Variants in IFNAR1 observed in about 807,000 individuals in gnomAD.
IFNAR1 encodes interferon alpha/beta receptor 1.
In IFNAR1, 47 loss-of-function variants were observed where a neutral mutation model predicts 62.1. The ratio of observed to expected loss-of-function variants is 0.76; its 90% CI spans 0.60 to 0.97. The LOEUF is 0.97. IFNAR1 is among the 50% of genes least tolerant of loss of function. The pLI is 0.00. For synonymous variants in IFNAR1, 219 were observed against 226.9 expected (o/e 0.97, Z 0.31); for missense variants, 638 against 654.5 (o/e 0.97, Z 0.27).
Position 33,325,126 on chromosome 21 carries a change from C to T in IFNAR1, c.71C>T (p.Ala24Val), listed in dbSNP as rs779701967. The change falls in exon 1 of 11, where the codon GCC (alanine) becomes GTC (valine). Residue 24 changes from alanine (A) to valine (V), a missense_variant. Transcript: ENST00000270139. ...GTGGCGCCATGGGTGTTGTCCGCAG[C>T]CGCAGGTGAGAGGCGGGGAGGAGAG... ...VAVAPWVLSA[A>V]AGGKNLKSPQ... 8 of 1,611,026 alleles carry T rather than the reference C, an allele frequency of 5.0e-6. No individual in the cohort carries two copies. The highest frequency in any genetic ancestry group is 1.9e-4 in the Middle Eastern group (1 of 5,262).
intron 1 of IFNAR1, among the ~76,000 whole-genome samples, chr21:33,330,474 T>A (rs2083166056): frequency 6.6e-6 from 1 of 152,076 alleles, no homozygotes; most frequent in Non-Finnish European, 1.5e-5. Context: ...GGAGAGACCT[T>A]AAGTTTATAG....
Position 33,355,590 on chromosome 21 carries a change from A to C in IFNAR1, c.*41A>C. The C allele has an allele frequency of 8.9e-7, 1 of 1,123,332 alleles. No individual in the cohort carries two copies. The highest frequency in any genetic ancestry group is 2.5e-5 in the East Asian group (1 of 40,692). 69.6% of individuals were successfully genotyped at this position (1,123,332 alleles called of 1,614,324 possible). ...GTCAAGTATAAGGTTTTTCAGCAGG[A>C]GTTACACTGGGAGCCTGAGGTCCTC... On this transcript the variant is annotated 3_prime_UTR_variant, in exon 11 of 11. Transcript: ENST00000270139.
At chr21:33,355,219 A>G (rs777550683) in intron 10 of IFNAR1, 97 bp from the exon 11 acceptor site, 17 of 639,208 alleles carry the variant, frequency 2.7e-5, no homozygotes, top group Non-Finnish European at 4.5e-5. Flanking sequence ...AGGTTTTCTC[A>G]GTAATGGATG....
In IFNAR1 at chr21:33,349,682, C is replaced by G. The variant is rs1408329031; in HGVS notation, c.1143+139C>G. On this transcript the variant is annotated intron_variant, in intron 8 of 10. Coordinates refer to ENST00000270139, the MANE Select transcript of IFNAR1 (RefSeq NM_000629.3). The stretch of plus-strand genomic sequence containing the variant: ...GCAGTGGCCTGTAATCCCAGCACTT[C>G]AGGAGGCCAAGGCGAGAGGATCACT... 3 of 631,226 alleles carry G rather than the reference C, an allele frequency of 4.8e-6. No individual in the cohort carries two copies. In the Admixed American group the frequency reaches 9.6e-5, roughly 20 times the overall value. 39.1% of individuals were successfully genotyped at this position (631,226 alleles called of 1,614,324 possible). A position where few individuals can be genotyped will look rare whatever the true frequency, so the allele number is the denominator to read the frequency against.
chr21:33,339,028 C>T (rs2083270658), intron 2 of IFNAR1, among the ~76,000 whole-genome samples: 1 of 152,032 alleles, frequency 6.6e-6, no homozygotes, highest in Non-Finnish European at 1.5e-5. Flanking sequence ...AGGTGTGAGC[C>T]ACCGAGCCCG....
At chr21:33,326,289 C>T (rs1279924669) in intron 1 of IFNAR1, among the ~76,000 whole-genome samples, 3 of 151,080 alleles carry the variant, frequency 2.0e-5, no homozygotes, top group African/African-American at 7.3e-5. Context: ...ACTGCAACCT[C>T]TGCCTCCCAG....
upstream of IFNAR1, chr21:33,324,932 GGTGAGAGCTAA>G: frequency 3.9e-6 from 3 of 762,614 alleles, 1 homozygote; most frequent in Non-Finnish European, 6.5e-6. Flanking sequence ...GTAGAGGGGC[GGTGAGAGCTAA>G]GAGGGGCAGC....
chr21:33,355,383 T>A lies in IFNAR1; in HGVS notation c.1508T>A (p.Phe503Tyr), dbSNP rs761356979. ...STSEEQIEKC[F>Y]IIENISTIAT... ...TCTGAGGAACAAATCGAAAAATGTT[T>A]CATAATTGAAAATATAAGCACAATT... Residue 503 changes from phenylalanine to tyrosine, a missense_variant, in exon 11 of 11, where the codon TTC (phenylalanine) becomes TAC (tyrosine). Phe to Tyr is a conservative substitution (Grantham distance 22). Transcript: ENST00000270139. The A allele has an allele frequency of 3.7e-6, 6 of 1,604,446 alleles. No individual in the cohort carries two copies. Among genetic ancestry groups the A allele is most frequent in the Non-Finnish European group, 5.1e-6 (6 of 1,175,362 alleles).
At chr21:33,343,482 C>T in intron 4 of IFNAR1, 53 bp from the exon 5 acceptor site, 2 of 1,559,570 alleles carry the variant, frequency 1.3e-6, no homozygotes, top group Non-Finnish European at 1.8e-6. Context: ...CGAATTAATC[C>T]TAAAATTTGA....
chr21:33,324,892 G>GGTGTGTGTATGTGTGTGT (rs1555873674), upstream of IFNAR1: 4 of 571,546 alleles, frequency 7.0e-6, no homozygotes, highest in Non-Finnish European at 9.4e-6. Flanking sequence ...GCGGAGGGGC[G>GGTGTGTGTATGTGTGTGT]GTGTGTGTGT....
intron 2 of IFNAR1, among the ~76,000 whole-genome samples, chr21:33,338,168 A>G (rs548186350): frequency 6.6e-6 from 1 of 152,272 alleles, no homozygotes; most frequent in African/African-American, 2.4e-5. Flanking sequence ...CATCACTCTA[A>G]TCATCAGAGA....
At chr21:33,346,936 C>G (rs562336363) in intron 6 of IFNAR1, among the ~76,000 whole-genome samples, 1 of 152,228 alleles carries the variant, frequency 6.6e-6, no homozygotes, top group African/African-American at 2.4e-5. Context: ...TGTTTATTGT[C>G]TCAAAGTTTC....
rs751985969 is a variant in IFNAR1 at position 33,341,200 on chromosome 21, A to T, written c.376+26A>T. On this transcript the variant is annotated intron_variant, in intron 3 of 10. Transcript: ENST00000270139. ...GTAAGAAAAAGTTGCTAGCTGAATTATATTCTTTAGTAAATATTACCAGAG... is the reference window on the plus strand; with the variant it reads ...GTAAGAAAAAGTTGCTAGCTGAATTTTATTCTTTAGTAAATATTACCAGAG... 1.9e-6 allele frequency: 3 copies of T among 1,559,002 alleles called. No homozygotes were observed. The African/African-American group carries it at 4.1e-5, about 21-fold the overall frequency.
intron 1 of IFNAR1, among the ~76,000 whole-genome samples, chr21:33,334,079 CAAA>C (rs1466624932): frequency 5.9e-5 from 9 of 151,678 alleles, no homozygotes; most frequent in African/African-American, 1.9e-4. Flanking sequence ...TAAAAACAGA[CAAA>C]GAAGGTTATT....
intron 2 of IFNAR1, among the ~76,000 whole-genome samples, chr21:33,336,649 A>AT (rs1202827364): frequency 1.3e-5 from 2 of 152,178 alleles, no homozygotes; most frequent in African/African-American, 4.8e-5. Context: ...ATTGTACTCC[A>AT]AAAGGTCCAT....
chr21:33,347,527 A>G (rs555682066), intron 6 of IFNAR1, among the ~76,000 whole-genome samples: 4 of 152,180 alleles, frequency 2.6e-5, no homozygotes, highest in Non-Finnish European at 4.4e-5. Flanking sequence ...TCAGCCTCCC[A>G]AAGTGCTGGG....
In IFNAR1 at chr21:33,355,485, A is replaced by G; in HGVS notation, c.1610A>G (p.Asn537Ser). Residue 537 changes from asparagine (N) to serine (S), a missense_variant, in exon 11 of 11, where the codon AAT (asparagine) becomes AGT (serine). Physicochemically the swap from Asn to Ser is conservative, Grantham distance 46. Coordinates refer to ENST00000270139, the MANE Select transcript of IFNAR1 (RefSeq NM_000629.3). Reference sequence around the variant, plus strand: ...TCCCAAACTAGCCAAGATTCAGGAAATTATTCTAATGAAGATGAAAGCGAA... The same window carrying G: ...TCCCAAACTAGCCAAGATTCAGGAAGTTATTCTAATGAAGATGAAAGCGAA... ...YSSQTSQDSGNYSNEDESESK... is the reference protein window; with the variant it reads ...YSSQTSQDSGSYSNEDESESK... 1 of 1,606,956 alleles carries G rather than the reference A, an allele frequency of 6.2e-7. No homozygotes were observed. The highest frequency in any genetic ancestry group is 8.5e-7 in the Non-Finnish European group (1 of 1,177,748).
chr21:33,347,005 C>T (rs1207639736), intron 6 of IFNAR1, among the ~76,000 whole-genome samples: 1 of 152,122 alleles, frequency 6.6e-6, no homozygotes, highest in Non-Finnish European at 1.5e-5. Flanking sequence ...GTCAAGGAGT[C>T]AGTCATTCAT....
intron 5 of IFNAR1, among the ~76,000 whole-genome samples, chr21:33,344,993 G>A (rs1003184217): frequency 6.6e-6 from 1 of 151,900 alleles, no homozygotes; most frequent in Non-Finnish European, 1.5e-5. Context: ...TCACCATGTT[G>A]GCCAGGCGCG....
Sources: allele counts gnomAD v4.1 joint callset (sites outside exome capture counted in the v4.1 genomes callset), GRCh38; gene constraint gnomAD v4.1.1; transcripts MANE v1.5; gene names NCBI Gene and HGNC (gene_info 2026-07-23, HGNC 2026-07-21).